The following ITGBL1 variants were observed in gnomAD, a reference collection of about 807,000 sequenced individuals.
ITGBL1 encodes integrin subunit beta like 1, also known as integrin beta-like protein 1.
A neutral mutation model predicts 68.5 loss-of-function variants in ITGBL1; 51 were observed. The ratio of observed to expected loss-of-function variants is 0.74; its 90% CI spans 0.59 to 0.94. The LOEUF is 0.94. Ranked by LOEUF, ITGBL1 falls within the 40% of genes least tolerant of loss-of-function variation. The pLI, the probability that ITGBL1 is intolerant of heterozygous loss-of-function variation, is 0.00. For synonymous variants in ITGBL1, 209 were observed against 227.3 expected, an observed-to-expected ratio of 0.92 and a Z score of 0.72; for missense variants, 649 against 647.4, an observed-to-expected ratio of 1.00 and a Z score of -0.03.
chr13:101,484,437 G>C (rs6491630), intron 2 of ITGBL1, among the ~76,000 whole-genome samples: 151,919 of 152,266 alleles, frequency 1, 75,787 homozygotes, highest in Middle Eastern at 1. Flanking sequence ...CCAACATTGT[G>C]AATTGACCCA....
intron 7 of ITGBL1, among the ~76,000 whole-genome samples, chr13:101,662,262 T>A (rs2033107790): frequency 6.6e-6 from 1 of 152,180 alleles, no homozygotes; most frequent in Non-Finnish European, 1.5e-5. Context: ...GCAAGAATGT[T>A]CTTGACAATT....
intron 7 of ITGBL1, among the ~76,000 whole-genome samples, chr13:101,621,163 C>T (rs1811247756): frequency 6.6e-6 from 1 of 152,146 alleles, no homozygotes; most frequent in Non-Finnish European, 1.5e-5. Context: ...CATACACGTT[C>T]TTCTGAAATA....
intron 7 of ITGBL1, among the ~76,000 whole-genome samples, chr13:101,690,387 T>A (rs546447923): frequency 6.6e-6 from 1 of 152,288 alleles, no homozygotes. Flanking sequence ...TTAAAATTAC[T>A]TAAAATGTGA....
At chr13:101,555,515 A>G (rs1335603) in intron 2 of ITGBL1, among the ~76,000 whole-genome samples, 119,760 of 152,038 alleles carry the variant, frequency 0.79, 47,156 homozygotes, top group South Asian at 0.81. Context: ...TTATGTTTCT[A>G]TTGCTTTTCC....
At chr13:101,616,577 G>A (rs572148141) in intron 7 of ITGBL1, among the ~76,000 whole-genome samples, 52 of 152,068 alleles carry the variant, frequency 3.4e-4, no homozygotes, top group Non-Finnish European at 5.3e-4. Flanking sequence ...TCCAGCCTCC[G>A]CCTCCCAGGT....
intron 2 of ITGBL1, among the ~76,000 whole-genome samples, chr13:101,457,326 G>A (rs1398701015): frequency 6.6e-6 from 1 of 152,066 alleles, no homozygotes. Context: ...CTGATTCAAG[G>A]CCCAAAAAGT....
intron 7 of ITGBL1, among the ~76,000 whole-genome samples, chr13:101,649,807 A>G (rs2032684415): frequency 6.6e-6 from 1 of 152,192 alleles, no homozygotes; most frequent in Non-Finnish European, 1.5e-5. Flanking sequence ...AAGTTTATTA[A>G]GACTTTAGGA....
chr13:101,598,555 A>G (rs2030139314), intron 7 of ITGBL1, among the ~76,000 whole-genome samples: 1 of 152,034 alleles, frequency 6.6e-6, no homozygotes, highest in Non-Finnish European at 1.5e-5. Flanking sequence ...ATTTAGCATT[A>G]GGTATATCTC....
At chr13:101,556,709 G>C (rs1231234724) in intron 2 of ITGBL1, among the ~76,000 whole-genome samples, 2 of 152,116 alleles carry the variant, frequency 1.3e-5, no homozygotes, top group South Asian at 4.1e-4. Flanking sequence ...GATTGGAGAG[G>C]CAAAGATCTG....
chr13:101,580,624 G>T (rs954310894), intron 5 of ITGBL1, among the ~76,000 whole-genome samples: 1 of 152,076 alleles, frequency 6.6e-6, no homozygotes, highest in African/African-American at 2.4e-5. Context: ...AGTGTGTGAT[G>T]TTCTCCTTCC....
At chr13:101,688,399 C>T (rs1004244865) in intron 7 of ITGBL1, among the ~76,000 whole-genome samples, 57 of 151,888 alleles carry the variant, frequency 3.8e-4, no homozygotes, top group African/African-American at 1.4e-3. Flanking sequence ...TATAGAACAC[C>T]GAGTAGGACT....
At chr13:101,601,384 C>A (rs183945670) in intron 7 of ITGBL1, among the ~76,000 whole-genome samples, 4,795 of 152,138 alleles carry the variant, frequency 0.032, 114 homozygotes, top group South Asian at 0.067. Flanking sequence ...TTCAAAAAAC[C>A]AGCTCCTGGA....
intron 8 of ITGBL1, among the ~76,000 whole-genome samples, chr13:101,695,677 G>A (rs2033985687): frequency 6.6e-6 from 1 of 152,142 alleles, no homozygotes; most frequent in South Asian, 2.1e-4. Flanking sequence ...TCTTGAATGT[G>A]TTGGAGAACA....
At chr13:101,528,126 T>G (rs1168989776) in intron 2 of ITGBL1, among the ~76,000 whole-genome samples, 2 of 151,558 alleles carry the variant, frequency 1.3e-5, no homozygotes, top group African/African-American at 4.8e-5. Context: ...TACAAAGTTA[T>G]TGTTTTTATA....
intron 7 of ITGBL1, among the ~76,000 whole-genome samples, chr13:101,641,537 TTTTA>T (rs1371302330): frequency 2.7e-5 from 4 of 148,210 alleles, no homozygotes; most frequent in East Asian, 3.9e-4. Context: ...TTTTATTTTA[TTTTA>T]TTTATTTTTA....
chr13:101,598,083 A>G, intron 6 of ITGBL1, 70 bp from the exon 7 acceptor site: 2 of 1,369,196 alleles, frequency 1.5e-6, no homozygotes, highest in South Asian at 1.4e-5. Flanking sequence ...ATTTGCTGTT[A>G]GAATGAAAAC....
chr13:101,596,198 C>A (rs1594914149), intron 6 of ITGBL1, among the ~76,000 whole-genome samples: 1 of 150,460 alleles, frequency 6.6e-6, no homozygotes, highest in South Asian at 2.1e-4. Flanking sequence ...GACAAAAAAA[C>A]ACTGCACGAT....
At chr13:101,679,713 GT>G (rs1311987050) in intron 7 of ITGBL1, among the ~76,000 whole-genome samples, 1 of 152,174 alleles carries the variant, frequency 6.6e-6, no homozygotes, top group African/African-American at 2.4e-5. Context: ...AGTTTTTGGT[GT>G]TGTTGTAGAA....
At chr13:101,492,494 A>C (rs769797939) in intron 2 of ITGBL1, among the ~76,000 whole-genome samples, 2 of 152,132 alleles carry the variant, frequency 1.3e-5, no homozygotes, top group Non-Finnish European at 2.9e-5. Context: ...GTGGATACTA[A>C]TTTCCTGCTC....
Sources: allele counts gnomAD v4.1 joint callset (sites outside exome capture counted in the v4.1 genomes callset), GRCh38; gene constraint gnomAD v4.1.1; transcripts MANE v1.5; gene names NCBI Gene and HGNC (gene_info 2026-07-23, HGNC 2026-07-21).